The following ADD3 variants were observed in gnomAD, a reference collection of about 807,000 sequenced individuals.
The protein encoded by ADD3 is adducin 3.
In ADD3, 25 loss-of-function variants were observed where a neutral mutation model predicts 80.2. The observed-to-expected ratio is 0.31, with a 90% CI of 0.23 to 0.44. ADD3 has a LOEUF of 0.44. Among genes scored for constraint, ADD3 ranks in the 20% least tolerant of loss-of-function variants. The probability of loss-of-function intolerance (pLI) is 1.00; values close to 1 mark genes in which losing one functional copy is unlikely to be tolerated. For synonymous variants in ADD3, 284 were observed against 289.6 expected (o/e 0.98, Z 0.20); for missense variants, 829 against 847.5 (o/e 0.98, Z 0.27).
At chr10:110,121,287 C>T (rs1178145173) in intron 8 of ADD3, among the ~76,000 whole-genome samples, 1 of 151,968 alleles carries the variant, frequency 6.6e-6, no homozygotes, top group East Asian at 1.9e-4. Flanking sequence ...AGTTCGAGAC[C>T]AGCCTGACCA....
chr10:110,049,021 T>C (rs1857201528), intron 1 of ADD3, among the ~76,000 whole-genome samples: 1 of 152,218 alleles, frequency 6.6e-6, no homozygotes, highest in African/African-American at 2.4e-5. Flanking sequence ...CCCCCTGCTG[T>C]GTGCAACCTA....
chr10:110,053,598 AT>A (rs1049306591), intron 1 of ADD3, among the ~76,000 whole-genome samples: 1 of 152,148 alleles, frequency 6.6e-6, no homozygotes, highest in Admixed American at 6.5e-5. Flanking sequence ...GCTTTTGTTC[AT>A]TTTTTTAACT....
intron 1 of ADD3, among the ~76,000 whole-genome samples, chr10:110,035,846 C>G (rs2133235174): frequency 6.6e-6 from 1 of 152,264 alleles, no homozygotes; most frequent in East Asian, 1.9e-4. Context: ...TATGCCACCA[C>G]TGTCCCCATC....
At position 110,125,953 on chromosome 10, in the gene ADD3, A is replaced by T; in HGVS notation, c.1521+8A>T. 1.3e-6 allele frequency: 2 copies of T among 1,598,112 alleles called. No individual in the cohort carries two copies. The highest frequency in any genetic ancestry group is 1.7e-6 in the Non-Finnish European group (2 of 1,169,632). ...CTAGAAAAGAGAAATAAGGTAAGAC[A>T]TGGTCTTCTATAGCCAGGGGAGACA... On this transcript the variant is annotated splice_region_variant and intron_variant, in intron 11 of 14. Coordinates refer to ENST00000356080, the MANE Select transcript of ADD3 (RefSeq NM_016824.5).
intron 1 of ADD3, among the ~76,000 whole-genome samples, chr10:110,031,929 T>G (rs901190206): frequency 6.6e-6 from 1 of 152,032 alleles, no homozygotes; most frequent in African/African-American, 2.4e-5. Context: ...GTGATAACAT[T>G]TAAAGTTTCC....
intron 1 of ADD3, among the ~76,000 whole-genome samples, chr10:110,072,987 A>G (rs991309775): frequency 2.0e-5 from 3 of 152,052 alleles, no homozygotes; most frequent in African/African-American, 7.3e-5. Context: ...GAATCCCACA[A>G]CTGAGTTTTC....
At chr10:110,101,844 A>G (rs1848848449) in intron 2 of ADD3, among the ~76,000 whole-genome samples, 1 of 133,258 alleles carries the variant, frequency 7.5e-6, no homozygotes. Context: ...ATGCACCCCT[A>G]AGACAGAGTT....
chr10:110,060,235 C>A (rs1344854313), intron 1 of ADD3, among the ~76,000 whole-genome samples: 1 of 152,130 alleles, frequency 6.6e-6, no homozygotes, highest in Non-Finnish European at 1.5e-5. Flanking sequence ...CTGTTCATTT[C>A]GTTTTTCTAA....
chr10:110,128,024 T>G (rs1292777842), intron 12 of ADD3, among the ~76,000 whole-genome samples: 2 of 151,916 alleles, frequency 1.3e-5, no homozygotes, highest in Non-Finnish European at 2.9e-5. Flanking sequence ...AGGAAGGCAT[T>G]GGAATTCCTG....
chr10:110,133,406 G>A lies in ADD3; in HGVS notation c.1909G>A (p.Asp637Asn). 6.2e-7 allele frequency: 1 copy of A among 1,613,524 alleles called. No individual in the cohort carries two copies. The highest frequency in any genetic ancestry group is 8.5e-7 in the Non-Finnish European group (1 of 1,179,534). Residue 637 changes from aspartate to asparagine, a missense_variant, in exon 15 of 15, where the codon GAT (aspartate) becomes AAT (asparagine). Transcript: ENST00000356080. ...AGTAAATGGCAAGGATGATATGCAT[G>A]ATGTTGAAGATGAGCTTGCTAAGCG... is the stretch of plus-strand genomic sequence containing the variant. ...MVVNGKDDMHDVEDELAKRVS... is the reference protein window; with the variant it reads ...MVVNGKDDMHNVEDELAKRVS...
intron 1 of ADD3, among the ~76,000 whole-genome samples, chr10:110,071,017 C>T (rs1359759745): frequency 6.8e-6 from 1 of 147,106 alleles, no homozygotes; most frequent in Non-Finnish European, 1.5e-5. Context: ...TTGCCTCCTA[C>T]CTATCCAACA....
intron 1 of ADD3, among the ~76,000 whole-genome samples, chr10:110,026,486 G>T (rs1459150203): frequency 6.6e-6 from 1 of 151,986 alleles, no homozygotes; most frequent in East Asian, 1.9e-4. Context: ...CTCCATGTTG[G>T]TCAGGCTGGT....
chr10:110,132,164 A>C, intron 13 of ADD3, 141 bp from the exon 14 acceptor site: 1 of 585,938 alleles, frequency 1.7e-6, no homozygotes, highest in Non-Finnish European at 3.0e-6. Context: ...ATATGGGATA[A>C]CTGTTAGCAT....
intron 1 of ADD3, among the ~76,000 whole-genome samples, chr10:110,084,568 T>C (rs1846464297): frequency 6.6e-6 from 1 of 152,212 alleles, no homozygotes; most frequent in South Asian, 2.1e-4. Context: ...GTAAGATAAA[T>C]TGAGGGACTT....
intron 1 of ADD3, among the ~76,000 whole-genome samples, chr10:110,080,807 T>C (rs1005624939): frequency 3.9e-5 from 6 of 152,232 alleles, no homozygotes; most frequent in Non-Finnish European, 8.8e-5. Flanking sequence ...TGACATTACT[T>C]AACATAATTA....
chr10:110,102,996 G>T (rs1355495652), intron 2 of ADD3, among the ~76,000 whole-genome samples: 1 of 152,136 alleles, frequency 6.6e-6, no homozygotes, highest in African/African-American at 2.4e-5. Flanking sequence ...CACTTAACGA[G>T]AATGATCACT....
In ADD3 at chr10:110,126,501, T is replaced by C; in HGVS notation, c.1606T>C (p.Ser536Pro). The C allele has an allele frequency of 6.2e-7, 1 of 1,609,312 alleles. No individual in the cohort carries two copies. The highest frequency in any genetic ancestry group is 8.5e-7 in the Non-Finnish European group (1 of 1,176,252). Residue 536 changes from serine (S) to proline (P), a missense_variant and splice_region_variant, in exon 12 of 15, where the codon TCT becomes CCT. Ser to Pro is a moderately conservative substitution (Grantham distance 74). Transcript: ENST00000356080. ...LAGIVVDKPPSTMQFEDDDHG... is the reference protein window; with the variant it reads ...LAGIVVDKPPPTMQFEDDDHG... ...TGGAATTGTTGTGGATAAGCCACCT[T>C]CTGTAAGTTTATGAAGTAGTATGAT...
chr10:110,132,285 A>G lies in ADD3; in HGVS notation c.1733-20A>G. The G allele has an allele frequency of 6.3e-7, 1 of 1,589,774 alleles. No homozygotes were observed. The highest frequency in any genetic ancestry group is 8.6e-7 in the Non-Finnish European group (1 of 1,159,524). On this transcript the variant is annotated intron_variant, in intron 13 of 14. Coordinates refer to ENST00000356080, the MANE Select transcript of ADD3 (RefSeq NM_016824.5). ...TTTGTTTTGTTTTGCATGGCTTTTA[A>G]CTAAACTCTTATCCAACAGATGCTG...
intron 1 of ADD3, chr10:110,075,732 A>AG (rs1803116782): frequency 6.6e-6 from 1 of 152,156 alleles, no homozygotes; most frequent in Admixed American, 6.5e-5. Flanking sequence ...TGTTAGTTTG[A>AG]GGGGGGAGAT....
Sources: allele counts gnomAD v4.1 joint callset (sites outside exome capture counted in the v4.1 genomes callset), GRCh38; gene constraint gnomAD v4.1.1; transcripts MANE v1.5; gene names NCBI Gene and HGNC (gene_info 2026-07-23, HGNC 2026-07-21).